The following SEMA6D variants were observed in gnomAD, a reference collection of about 807,000 sequenced individuals.
The protein encoded by SEMA6D is semaphorin 6D, also known as semaphorin-6D.
In SEMA6D, 35 loss-of-function variants were observed where a neutral mutation model predicts 106.6. The ratio of observed to expected loss-of-function variants is 0.33; its 90% CI spans 0.25 to 0.44. The LOEUF (loss-of-function observed/expected upper bound fraction) is 0.44, where lower values mean the gene tolerates loss of function less well. Among genes scored for constraint, SEMA6D ranks in the 20% least tolerant of loss-of-function variants. SEMA6D has a pLI of 1.00. For synonymous variants in SEMA6D, 499 were observed against 487.7 expected (o/e 1.02, Z -0.31); for missense variants, 1,185 against 1,345.9 (o/e 0.88, Z 1.87).
intron 1 of SEMA6D, among the ~76,000 whole-genome samples, chr15:47,211,863 T>C (rs1419643812): frequency 2.0e-5 from 3 of 152,136 alleles, no homozygotes; most frequent in Non-Finnish European, 4.4e-5. Flanking sequence ...AGTATCATTA[T>C]TGATTATTTA....
chr15:47,539,417 T>A (rs2045285779), intron 3 of SEMA6D, among the ~76,000 whole-genome samples: 1 of 151,720 alleles, frequency 6.6e-6, no homozygotes, highest in Non-Finnish European at 1.5e-5. Flanking sequence ...GTTTTTTTTT[T>A]TGTTTGTTTG....
At chr15:47,190,564 G>A (rs1039169297) in intron 1 of SEMA6D, among the ~76,000 whole-genome samples, 2 of 152,030 alleles carry the variant, frequency 1.3e-5, no homozygotes, top group African/African-American at 2.4e-5. Context: ...TTCCATGTCC[G>A]TGTCTCCCTA....
chr15:47,380,278 A>G (rs2039591896), intron 1 of SEMA6D, among the ~76,000 whole-genome samples: 1 of 152,176 alleles, frequency 6.6e-6, no homozygotes, highest in African/African-American at 2.4e-5. Context: ...TTTGAGTTCG[A>G]GTCTCTCTTC....
intron 17 of SEMA6D, chr15:47,767,451 T>C: frequency 5.7e-6 from 1 of 175,078 alleles, no homozygotes; most frequent in Non-Finnish European, 1.2e-5. Context: ...TTTCATTATT[T>C]TCCCCATCTC....
intron 1 of SEMA6D, among the ~76,000 whole-genome samples, chr15:47,211,278 C>T (rs2029995116): frequency 6.6e-6 from 1 of 152,078 alleles, no homozygotes; most frequent in African/African-American, 2.4e-5. Context: ...AACTGTATAG[C>T]TTGCATCTCT....
chr15:47,682,237 G>A (rs188878276), intron 4 of SEMA6D, among the ~76,000 whole-genome samples: 1,542 of 150,642 alleles, frequency 0.01, 12 homozygotes, highest in South Asian at 0.046. Flanking sequence ...GCGCTATCTC[G>A]GCTCACTGCA....
chr15:47,320,197 A>G (rs1013147490), intron 1 of SEMA6D, among the ~76,000 whole-genome samples: 2 of 152,046 alleles, frequency 1.3e-5, no homozygotes, highest in African/African-American at 2.4e-5. Context: ...TGCTCAGTGG[A>G]TATCTCTGTA....
chr15:47,760,689 G>A (rs1010278541), intron 3 of SEMA6D, among the ~76,000 whole-genome samples: 4 of 151,918 alleles, frequency 2.6e-5, no homozygotes, highest in East Asian at 1.9e-4. Context: ...TTCTTTATGC[G>A]TTTTTAACTT....
intron 3 of SEMA6D, among the ~76,000 whole-genome samples, chr15:47,474,890 T>C (rs369744134): frequency 7.9e-5 from 12 of 152,312 alleles, no homozygotes; most frequent in African/African-American, 2.9e-4. Context: ...CATGATTCTA[T>C]GGTACGATGT....
intron 1 of SEMA6D, among the ~76,000 whole-genome samples, chr15:47,759,194 A>C (rs945186243): frequency 1.3e-5 from 2 of 152,166 alleles, no homozygotes; most frequent in Non-Finnish European, 2.9e-5. Flanking sequence ...TAGTAAGCAT[A>C]GGGAAATACT....
intron 1 of SEMA6D, among the ~76,000 whole-genome samples, chr15:47,313,462 TGCTG>T (rs1454281352): frequency 1.3e-5 from 2 of 152,236 alleles, no homozygotes; most frequent in Non-Finnish European, 2.9e-5. Context: ...TATTTTTTAG[TGCTG>T]AATATTATTC....
rs139554950 is a variant in SEMA6D at position 47,691,477 on chromosome 15, G to A, written c.-54-68268G>A. On this transcript the variant is annotated intron_variant, in intron 4 of 19. Transcript: ENST00000558014. ...CTCATGATGAAATGAGAATAATATG[G>A]GTTAGATTGTCCAAGGTTTGAATCA... Among the ~76,000 whole-genome samples the A allele has an allele frequency of 3.5e-3, 538 of 152,230 alleles. 3 individuals are homozygous for A. The highest frequency in any genetic ancestry group is 0.012 in the African/African-American group (513 of 41,576).
intron 2 of SEMA6D, among the ~76,000 whole-genome samples, chr15:47,456,378 CTAAG>C (rs1440854506): frequency 3.9e-5 from 6 of 151,950 alleles, no homozygotes; most frequent in Non-Finnish European, 5.9e-5. Context: ...AGATTCAAAT[CTAAG>C]TAGTATTAGC....
chr15:47,421,662 G>C (rs978687147), intron 2 of SEMA6D, among the ~76,000 whole-genome samples: 8 of 151,940 alleles, frequency 5.3e-5, no homozygotes, highest in African/African-American at 1.7e-4. Flanking sequence ...TAGATTTGTG[G>C]TTGGGATGGG....
intron 3 of SEMA6D, among the ~76,000 whole-genome samples, chr15:47,491,470 T>G (rs772774378): frequency 6.6e-5 from 10 of 152,170 alleles, no homozygotes; most frequent in Non-Finnish European, 1.2e-4. Context: ...ATACATTTTT[T>G]ATGCAAATAT....
At chr15:47,248,697 C>T (rs1470557555) in intron 1 of SEMA6D, among the ~76,000 whole-genome samples, 1 of 152,118 alleles carries the variant, frequency 6.6e-6, no homozygotes, top group African/African-American at 2.4e-5. Context: ...TATTATTCCA[C>T]TGATTTACAA....
intron 1 of SEMA6D, among the ~76,000 whole-genome samples, chr15:47,202,647 C>T (rs569941086): frequency 4.6e-5 from 7 of 152,310 alleles, no homozygotes; most frequent in East Asian, 1.9e-4. Context: ...AAGTCACCTT[C>T]GTGGCCCTCT....
At chr15:47,639,059 G>A (rs1447291416) in intron 4 of SEMA6D, among the ~76,000 whole-genome samples, 4 of 152,182 alleles carry the variant, frequency 2.6e-5, no homozygotes, top group African/African-American at 4.8e-5. Flanking sequence ...CACAGACTCT[G>A]CTCACGTGAG....
At chr15:47,393,406 T>TGCAGC (rs1352460557) in intron 1 of SEMA6D, 1 of 152,182 alleles carries the variant, frequency 6.6e-6, no homozygotes, top group African/African-American at 2.4e-5. Context: ...GGGAATTCTG[T>TGCAGC]GCAGCACAGC....
Sources: allele counts gnomAD v4.1 joint callset (sites outside exome capture counted in the v4.1 genomes callset), GRCh38; gene constraint gnomAD v4.1.1; transcripts MANE v1.5; gene names NCBI Gene and HGNC (gene_info 2026-07-23, HGNC 2026-07-21).